ABCC2: variants seen among roughly 807,000 people sequenced by gnomAD.
The protein encoded by ABCC2 is ATP-binding cassette sub-family C member 2.
Under a neutral mutation model 173.4 loss-of-function variants are expected in ABCC2, and 157 were observed. The observed-to-expected ratio is 0.91, with a 90% CI of 0.80 to 1.03. The LOEUF is 1.03. Ranked by LOEUF, ABCC2 falls within the 50% of genes least tolerant of loss-of-function variation. ABCC2 has a pLI of 0.00. For missense variants in ABCC2, 1,822 were observed against 1,852.3 expected (o/e 0.98, Z 0.30); for synonymous variants, 657 against 693.5 (o/e 0.95, Z 0.83).
chr10:99,818,994 G>C (rs765367235), intron 18 of ABCC2, 37 bp downstream of exon 18: 1 of 1,612,768 alleles, frequency 6.2e-7, no homozygotes, highest in African/African-American at 1.3e-5. Flanking sequence ...ATATAAAGGT[G>C]GGGTGGGAGG....
intron 6 of ABCC2, among the ~76,000 whole-genome samples, chr10:99,795,970 A>G (rs1039830084): frequency 6.6e-6 from 1 of 152,044 alleles, no homozygotes; most frequent in Non-Finnish European, 1.5e-5. Flanking sequence ...CTGTCACTGA[A>G]CTCCAGCCTG....
At chr10:99,814,496 T>C (rs1232697800) in intron 16 of ABCC2, among the ~76,000 whole-genome samples, 2 of 116,046 alleles carry the variant, frequency 1.7e-5, no homozygotes, top group East Asian at 4.0e-4. Context: ...CACACAAACA[T>C]ATATGTGTGT....
At chr10:99,798,015 G>A (rs2037950147) in intron 7 of ABCC2, 1 of 155,592 alleles carries the variant, frequency 6.4e-6, no homozygotes, top group African/African-American at 2.4e-5. Flanking sequence ...AGGACAGGGT[G>A]CGCATGGGGT....
intron 30 of ABCC2, among the ~76,000 whole-genome samples, chr10:99,848,130 C>T (rs765342221): frequency 2.0e-5 from 3 of 152,058 alleles, no homozygotes; most frequent in Non-Finnish European, 4.4e-5. Context: ...AGGATCCCCA[C>T]GAGGCTGTTA....
intron 2 of ABCC2, among the ~76,000 whole-genome samples, chr10:99,786,611 A>T (rs1206733849): frequency 6.6e-6 from 1 of 152,248 alleles, no homozygotes; most frequent in African/African-American, 2.4e-5. Context: ...TCACGCCTGT[A>T]ATCCCAACAC....
Position 99,845,653 on chromosome 10 carries a change from A to T in ABCC2, c.4017A>T (p.Gly1339=). The T allele has an allele frequency of 6.2e-7, 1 of 1,614,074 alleles. No individual in the cohort carries two copies. The change falls in exon 29 of 32, where the codon GGA becomes GGT. Residue 1339 remains glycine (G), a synonymous_variant. Transcript: ENST00000647814. ...GTGTGGTGGGCAGGACAGGAGCTGG[A>T]AAGTCATCCCTCACAAACTGCCTCT... ...KIGVVGRTGA[G]KSSLTNCLFR...
intron 5 of ABCC2, 98 bp from the exon 6 acceptor site, chr10:99,794,315 A>C: frequency 8.7e-7 from 1 of 1,154,922 alleles, no homozygotes; most frequent in Non-Finnish European, 1.3e-6. Context: ...AGTTTCTAGC[A>C]CAACATTATA....
At position 99,805,236 on chromosome 10, in the gene ABCC2, G is replaced by C. The variant is rs558143312; in HGVS notation, c.1465-146G>C. On this transcript the variant is annotated intron_variant, in intron 10 of 31. Transcript: ENST00000647814. ...GAGCAGAGTGGGCAAAGAGGAGAGT[G>C]GAGGGAGGTGAATCCCATCACTGGG... 203 of 690,288 alleles carry C rather than the reference G, an allele frequency of 2.9e-4. 3 individuals are homozygous for C. Among genetic ancestry groups the C allele is most frequent in the South Asian group, 2.8e-3 (182 of 65,236 alleles). The allele number at this position is 690,288 out of a possible 1,614,324, so 42.8% of individuals were successfully genotyped here. A position where few individuals can be genotyped will look rare whatever the true frequency, so the allele number is the denominator to read the frequency against.
rs1357199201 is a variant in ABCC2 at position 99,785,858 on chromosome 10, A to G, written c.207+1077A>G. On this transcript the variant is annotated intron_variant, in intron 2 of 31. Transcript: ENST00000647814. ...CTTTCAACAGGTTTTTAGAAAGGCA[A>G]ACTAGATTCCATTGTTCTACTAGCA... Among the ~76,000 whole-genome samples, 4 of 152,076 alleles carry G rather than the reference A, an allele frequency of 2.6e-5. No homozygotes were observed. The East Asian group carries it at 7.7e-4, about 29-fold the overall frequency.
intron 26 of ABCC2, among the ~76,000 whole-genome samples, chr10:99,842,327 G>A (rs1332609668): frequency 6.6e-6 from 1 of 152,136 alleles, no homozygotes; most frequent in Non-Finnish European, 1.5e-5. Context: ...TAGGGCTTAA[G>A]AAGGCAATTT....
chr10:99,784,641 C>T lies in ABCC2; in HGVS notation c.67C>T (p.Leu23=). The T allele has an allele frequency of 6.2e-7, 1 of 1,614,220 alleles. No homozygotes were observed. Among genetic ancestry groups the T allele is most frequent in the Non-Finnish European group, 8.5e-7 (1 of 1,180,034 alleles). The change falls in exon 2 of 32, where the codon CTG becomes TTG. Residue 23 remains leucine, a synonymous_variant. Transcript: ENST00000647814. ...ATTCCTGGACAGTCCGGAGGCAGAC[C>T]TGCCACTTTGTTTTGAGCAAACTGT... The part of the protein sequence containing the change: ...SSFLDSPEAD[L]PLCFEQTVLV...
At chr10:99,805,353 T>G in intron 10 of ABCC2, 29 bp from the exon 11 acceptor site, 1 of 1,599,982 alleles carries the variant, frequency 6.3e-7, no homozygotes, top group South Asian at 1.1e-5. Flanking sequence ...GAAGCGTATA[T>G]TGTTTTTCTT....
chr10:99,832,109 G>T lies in ABCC2; in HGVS notation c.3236G>T (p.Arg1079Leu). The T allele has an allele frequency of 6.2e-7, 1 of 1,614,124 alleles. No individual in the cohort carries two copies. The highest frequency in any genetic ancestry group is 8.5e-7 in the Non-Finnish European group (1 of 1,180,014). ...MRFFDTTPTGRIVNRFAGDIS... is the reference protein window; with the variant it reads ...MRFFDTTPTGLIVNRFAGDIS... ...TTTTTTGACACAACACCCACAGGCC[G>T]GATTGTGAACAGGTTTGCCGGCGTA... The change falls in exon 23 of 32, where the codon CGG becomes CTG. Residue 1079 changes from arginine (R) to leucine (L), a missense_variant. By Grantham distance (102) the Arg-to-Leu change is moderately radical (BLOSUM62 -2). Coordinates refer to ENST00000647814, the MANE Select transcript of ABCC2 (RefSeq NM_000392.5).
rs746214584 is a variant in ABCC2 at position 99,836,123 on chromosome 10, G to A, written c.3447G>A (p.Arg1149=). 6.2e-7 allele frequency: 1 copy of A among 1,614,066 alleles called. No homozygotes were observed. Among genetic ancestry groups the A allele is most frequent in the South Asian group, 1.1e-5 (1 of 91,078 alleles). The change falls in exon 25 of 32, where the codon AGG becomes AGA. Residue 1149 remains arginine, a synonymous_variant. Coordinates refer to ENST00000647814, the MANE Select transcript of ABCC2 (RefSeq NM_000392.5). ...MFYVSTSRQL[R]RLDSVTRSPI... The stretch of plus-strand genomic sequence containing the variant: ...ATGTGTCTACCTCCCGCCAGCTGAG[G>A]CGTCTGGACTCTGTCACCAGGTCCC...
chr10:99,806,183 TA>T (rs2038101059), intron 11 of ABCC2, among the ~76,000 whole-genome samples: 1 of 152,070 alleles, frequency 6.6e-6, no homozygotes, highest in Non-Finnish European at 1.5e-5. Context: ...TAGTTAGATC[TA>T]AAGGTTTGAT....
rs191495216 is a variant in ABCC2 at position 99,785,224 on chromosome 10, T to G, written c.207+443T>G. 5.9e-5 allele frequency among the ~76,000 whole-genome samples: 9 copies of G among 152,262 alleles called. No homozygotes were observed. In the East Asian group the frequency reaches 1.7e-3, roughly 29 times the overall value. On this transcript the variant is annotated intron_variant, in intron 2 of 31. Coordinates refer to ENST00000647814, the MANE Select transcript of ABCC2 (RefSeq NM_000392.5). Reference sequence around the variant, plus strand: ...CATCTTCAAAAACTTGGGTCCGAAATAAGGTTTCCATTTTCCCCGCATATT... The same window carrying G: ...CATCTTCAAAAACTTGGGTCCGAAAGAAGGTTTCCATTTTCCCCGCATATT...
intron 10 of ABCC2, 63 bp downstream of exon 10, chr10:99,804,336 T>G: frequency 6.2e-7 from 1 of 1,605,036 alleles, no homozygotes; most frequent in Non-Finnish European, 8.5e-7. Context: ...TTTTTCTTAC[T>G]CTACTCTAAT....
At chr10:99,841,858 C>T (rs2038950717) in intron 25 of ABCC2, 109 bp from the exon 26 acceptor site, 6 of 1,480,680 alleles carry the variant, frequency 4.1e-6, no homozygotes, top group East Asian at 2.3e-5. Flanking sequence ...CCTAAGAGTG[C>T]GGCCCGATCA....
intron 19 of ABCC2, among the ~76,000 whole-genome samples, chr10:99,823,610 C>T (rs1408885333): frequency 6.8e-5 from 10 of 147,110 alleles, no homozygotes; most frequent in East Asian, 2.0e-4. Flanking sequence ...CTCGTTCCTT[C>T]GGCCCTGTGT....
Sources: gnomAD v4.1 joint callset for allele counts (sites outside exome capture counted in the v4.1 genomes callset) on GRCh38, gnomAD v4.1.1 for gene constraint, MANE v1.5 for transcripts, NCBI Gene and HGNC (gene_info 2026-07-23, HGNC 2026-07-21) for gene names.